Variants in GNA12 observed in about 807,000 individuals in gnomAD.
GNA12 encodes the protein G protein subunit alpha 12.
Under a neutral mutation model 26.0 loss-of-function variants are expected in GNA12, and 9 were observed. The ratio of observed to expected loss-of-function variants is 0.35; its 90% CI spans 0.21 to 0.60. GNA12 has a LOEUF of 0.60. Ranked by LOEUF, GNA12 falls within the 20% of genes least tolerant of loss-of-function variation. The pLI is 0.78. For synonymous variants in GNA12, 264 were observed against 219.6 expected, an observed-to-expected ratio of 1.20 and a Z score of -1.79; for missense variants, 405 against 525.8, an observed-to-expected ratio of 0.77 and a Z score of 2.25.
At chr7:2,749,945 A>C (rs1790948359) in intron 2 of GNA12, among the ~76,000 whole-genome samples, 1 of 152,210 alleles carries the variant, frequency 6.6e-6, no homozygotes, top group Non-Finnish European at 1.5e-5. Context: ...AGTAGTTGGA[A>C]TCTCACAGAA....
chr7:2,831,528 C>T (rs763842179), intron 1 of GNA12, among the ~76,000 whole-genome samples: 2 of 151,602 alleles, frequency 1.3e-5, no homozygotes, highest in Admixed American at 6.6e-5. Flanking sequence ...CTCAGCCTCC[C>T]GAGTAGCTGG....
chr7:2,805,385 G>A (rs939602509), intron 1 of GNA12, among the ~76,000 whole-genome samples: 15 of 152,200 alleles, frequency 9.9e-5, no homozygotes, highest in Non-Finnish European at 5.9e-5. Context: ...AAGCCTGACC[G>A]ATTTAGTTTA....
At chr7:2,804,043 T>C (rs1792881503) in intron 1 of GNA12, among the ~76,000 whole-genome samples, 1 of 152,150 alleles carries the variant, frequency 6.6e-6, no homozygotes, top group Admixed American at 6.5e-5. Flanking sequence ...TCACTAAAAA[T>C]TTCACTACAT....
chr7:2,822,827 A>G (rs1193241731), intron 1 of GNA12, among the ~76,000 whole-genome samples: 2 of 152,148 alleles, frequency 1.3e-5, no homozygotes, highest in African/African-American at 4.8e-5. Flanking sequence ...GAAAAGAAAG[A>G]TTTAAAGACA....
At chr7:2,796,850 C>T (rs1384149137) in intron 1 of GNA12, among the ~76,000 whole-genome samples, 5 of 152,130 alleles carry the variant, frequency 3.3e-5, no homozygotes, top group Non-Finnish European at 7.4e-5. Flanking sequence ...AACAGCACCC[C>T]CTGAGCAGTT....
chr7:2,757,943 A>T (rs1791382048), intron 2 of GNA12, among the ~76,000 whole-genome samples: 1 of 152,178 alleles, frequency 6.6e-6, no homozygotes, highest in Non-Finnish European at 1.5e-5. Flanking sequence ...AATAGCAATA[A>T]TAAGGAATGA....
At chr7:2,839,530 C>G (rs1778929773) in intron 1 of GNA12, among the ~76,000 whole-genome samples, 1 of 152,224 alleles carries the variant, frequency 6.6e-6, no homozygotes, top group Admixed American at 6.5e-5. Context: ...ATTACAGGCA[C>G]CTGCTACTGC....
intron 2 of GNA12, among the ~76,000 whole-genome samples, chr7:2,736,939 C>A (rs1397240763): frequency 6.6e-6 from 1 of 152,364 alleles, no homozygotes; most frequent in East Asian, 1.9e-4. Context: ...ACCAGACCCT[C>A]GAGATCAGTA....
In GNA12 at chr7:2,832,279, T is replaced by C. The variant is rs561716065; in HGVS notation, c.309+11574A>G. Among the ~76,000 whole-genome samples, 5 of 152,276 alleles carry C rather than the reference T, an allele frequency of 3.3e-5. No homozygotes were observed. The East Asian group carries it at 9.7e-4, about 29-fold the overall frequency. On this transcript the variant is annotated intron_variant, in intron 1 of 3. Transcript: ENST00000275364. ...GTTTCCTGTCCCCAGAGAAGTGAAC[T>C]AGGAATCAGCTCCACGAGGCCAGGA... is the stretch of plus-strand genomic sequence containing the variant.
chr7:2,758,604 C>A (rs1220278027), intron 2 of GNA12, among the ~76,000 whole-genome samples: 1 of 152,028 alleles, frequency 6.6e-6, no homozygotes, highest in Non-Finnish European at 1.5e-5. Context: ...ATCAGGGGAG[C>A]CTTTCAAGGA....
intron 2 of GNA12, among the ~76,000 whole-genome samples, chr7:2,750,359 C>G (rs773640257): frequency 6.6e-6 from 1 of 152,216 alleles, no homozygotes; most frequent in Non-Finnish European, 1.5e-5. Context: ...GAGCCTGCAA[C>G]TGATAGGTTA....
At chr7:2,767,699 G>C (rs1273767010) in intron 2 of GNA12, among the ~76,000 whole-genome samples, 1 of 152,146 alleles carries the variant, frequency 6.6e-6, no homozygotes, top group Admixed American at 6.5e-5. Flanking sequence ...CTTAGCACCA[G>C]ATATATTTTG....
At chr7:2,798,447 C>G (rs542467618) in intron 1 of GNA12, among the ~76,000 whole-genome samples, 1 of 152,014 alleles carries the variant, frequency 6.6e-6, no homozygotes, top group Non-Finnish European at 1.5e-5. Context: ...ACTAAAAAAA[C>G]GAAACAGGTA....
chr7:2,835,907 A>G, intron 1 of GNA12: 1 of 544,330 alleles, frequency 1.8e-6, no homozygotes, highest in Non-Finnish European at 3.5e-6. Context: ...AATTTGCAAG[A>G]AGCAACTGAC....
At position 2,841,778 on chromosome 7, in the gene GNA12, G is replaced by A. The variant is rs1009521115; in HGVS notation, c.309+2075C>T. Among the ~76,000 whole-genome samples, 6 of 152,206 alleles carry A rather than the reference G, an allele frequency of 3.9e-5. No individual in the cohort carries two copies. The South Asian group carries it at 6.2e-4, about 16-fold the overall frequency. Reference sequence around the variant, plus strand: ...CTTCATCTCTAGGGCTGAGGCAGGAGTCCTTATGGGTAAGTGATACAAATG... The same window carrying A: ...CTTCATCTCTAGGGCTGAGGCAGGAATCCTTATGGGTAAGTGATACAAATG... On this transcript the variant is annotated intron_variant, in intron 1 of 3. Transcript: ENST00000275364.
chr7:2,785,325 C>T (rs1037170130), intron 2 of GNA12, among the ~76,000 whole-genome samples: 2 of 152,142 alleles, frequency 1.3e-5, no homozygotes, highest in African/African-American at 4.8e-5. Flanking sequence ...AGCTTTGTCA[C>T]GTCAGGCAAA....
chr7:2,771,424 C>T (rs1791946249), intron 2 of GNA12, among the ~76,000 whole-genome samples: 1 of 152,222 alleles, frequency 6.6e-6, no homozygotes, highest in Admixed American at 6.5e-5. Flanking sequence ...ACCCAAACAA[C>T]TCCCACTGTG....
Position 2,844,194 on chromosome 7 carries a change from G to A in GNA12, c.-33C>T. 1.0e-6 allele frequency: 1 copy of A among 968,212 alleles called. No homozygotes were observed. Among genetic ancestry groups the A allele is most frequent in the Non-Finnish European group, 1.2e-6 (1 of 816,750 alleles). 60.0% of individuals were successfully genotyped at this position (968,212 alleles called of 1,614,324 possible). On this transcript the variant is annotated 5_prime_UTR_variant, in exon 1 of 4. Transcript: ENST00000275364. ...CAGGCCGCGGCCGCGCCCCGCCGGC[G>A]CCCGGGGGCCATGGACGCTCCCGCC...
chr7:2,836,694 C>G (rs1349770378), intron 1 of GNA12, among the ~76,000 whole-genome samples: 2 of 151,900 alleles, frequency 1.3e-5, no homozygotes, highest in African/African-American at 4.8e-5. Flanking sequence ...GAGGCCGAGG[C>G]GGGTGGATCA....
Sources: gnomAD v4.1 joint callset for allele counts (sites outside exome capture counted in the v4.1 genomes callset) on GRCh38, gnomAD v4.1.1 for gene constraint, MANE v1.5 for transcripts, NCBI Gene and HGNC (gene_info 2026-07-23, HGNC 2026-07-21) for gene names.